The following HIPK2 variants were observed in gnomAD, a reference collection of about 807,000 sequenced individuals.
HIPK2 encodes homeodomain interacting protein kinase 2.
HIPK2 carries 27 observed loss-of-function variants against 113.7 expected under a neutral mutation model. The observed-to-expected ratio is 0.24, with a 90% CI of 0.17 to 0.33. HIPK2 has a LOEUF of 0.33. HIPK2 is among the 10% of genes least tolerant of loss of function. HIPK2 has a pLI of 1.00. For synonymous variants in HIPK2, 631 were observed against 642.2 expected (o/e 0.98, Z 0.26); for missense variants, 1,257 against 1,588.0 (o/e 0.79, Z 3.54).
At chr7:139,587,934 A>C (rs959211141) in intron 12 of HIPK2, among the ~76,000 whole-genome samples, 3 of 152,160 alleles carry the variant, frequency 2.0e-5, no homozygotes, top group African/African-American at 7.2e-5. Flanking sequence ...ACCTGTAATT[A>C]GCACTTGGGG....
intron 2 of HIPK2, among the ~76,000 whole-genome samples, chr7:139,675,032 CTG>C (rs1802447825): frequency 6.6e-6 from 1 of 152,182 alleles, no homozygotes; most frequent in Non-Finnish European, 1.5e-5. Flanking sequence ...TGTATTTATG[CTG>C]TGTCTAATTT....
At chr7:139,597,019 T>A (rs1287013181) in intron 11 of HIPK2, 21 bp from the exon 12 acceptor site, 2 of 1,575,090 alleles carry the variant, frequency 1.3e-6, no homozygotes, top group Non-Finnish European at 1.7e-6. Flanking sequence ...AAAACCACAC[T>A]CTCACACAGA....
intron 2 of HIPK2, among the ~76,000 whole-genome samples, chr7:139,707,373 C>T (rs1222957771): frequency 6.6e-6 from 1 of 152,260 alleles, no homozygotes; most frequent in Non-Finnish European, 1.5e-5. Context: ...AATCACCCTC[C>T]GTAAGACCCC....
At chr7:139,645,425 G>C (rs1440746784) in intron 2 of HIPK2, among the ~76,000 whole-genome samples, 1 of 152,234 alleles carries the variant, frequency 6.6e-6, no homozygotes, top group African/African-American at 2.4e-5. Flanking sequence ...ACACAAGTTA[G>C]AGAGTGAATT....
intron 13 of HIPK2, among the ~76,000 whole-genome samples, chr7:139,580,407 G>C (rs1585233404): frequency 6.6e-6 from 1 of 152,318 alleles, no homozygotes; most frequent in Non-Finnish European, 1.5e-5. Flanking sequence ...GAGTAAGGGA[G>C]GACGTCCTGA....
chr7:139,629,451 A>G (rs1458993969), intron 4 of HIPK2, among the ~76,000 whole-genome samples: 1 of 152,256 alleles, frequency 6.6e-6, no homozygotes, highest in East Asian at 1.9e-4. Flanking sequence ...TACGTGCCAG[A>G]CATTGTTCTA....
Position 139,562,973 on chromosome 7 carries a change from G to C in HIPK2, c.*9954C>G, listed in dbSNP as rs1182441440. On this transcript the variant is annotated 3_prime_UTR_variant, in exon 15 of 15. Coordinates refer to ENST00000406875, the MANE Select transcript of HIPK2 (RefSeq NM_022740.5). ...ATTTGGTTAAAAAAATGCACACACAGAGGATGAAGAGATGATTTGGGGGCT... is the reference window on the plus strand; with the variant it reads ...ATTTGGTTAAAAAAATGCACACACACAGGATGAAGAGATGATTTGGGGGCT... 1 of 152,212 alleles carries C rather than the reference G, an allele frequency of 6.6e-6. No individual in the cohort carries two copies. Among genetic ancestry groups the C allele is most frequent in the South Asian group, 2.1e-4 (1 of 4,836 alleles). 9.4% of individuals were successfully genotyped at this position (152,212 alleles called of 1,614,324 possible). A position where few individuals can be genotyped will look rare whatever the true frequency, so the allele number is the denominator to read the frequency against.
At chr7:139,626,396 C>A (rs1480490064) in intron 6 of HIPK2, among the ~76,000 whole-genome samples, 1 of 152,166 alleles carries the variant, frequency 6.6e-6, no homozygotes, top group Non-Finnish European at 1.5e-5. Flanking sequence ...AGACACCACG[C>A]CCAGCCCTGC....
At chr7:139,717,700 C>T (rs1795289085) in intron 1 of HIPK2, among the ~76,000 whole-genome samples, 1 of 152,076 alleles carries the variant, frequency 6.6e-6, no homozygotes, top group South Asian at 2.1e-4. Flanking sequence ...TATATCAATA[C>T]ATTTCTCTAG....
intron 1 of HIPK2, among the ~76,000 whole-genome samples, chr7:139,736,693 T>C (rs912929197): frequency 6.6e-6 from 1 of 152,194 alleles, no homozygotes; most frequent in African/African-American, 2.4e-5. Context: ...GCTGGAGCTA[T>C]GGAGTACAAC....
intron 2 of HIPK2, among the ~76,000 whole-genome samples, chr7:139,646,290 G>A (rs1335414519): frequency 6.6e-6 from 1 of 152,088 alleles, no homozygotes; most frequent in Non-Finnish European, 1.5e-5. Context: ...GAGGCCAGGA[G>A]TTCAAGAGTA....
intron 1 of HIPK2, among the ~76,000 whole-genome samples, chr7:139,755,147 G>C (rs561762317): frequency 3.0e-4 from 46 of 152,270 alleles, no homozygotes; most frequent in Non-Finnish European, 5.4e-4. Flanking sequence ...CCATCAGCCT[G>C]GTCAACGAGG....
chr7:139,658,007 G>A (rs903150382), intron 2 of HIPK2, among the ~76,000 whole-genome samples: 2 of 152,146 alleles, frequency 1.3e-5, no homozygotes, highest in African/African-American at 2.4e-5. Context: ...TCACTTAAAT[G>A]TTATGAGCCT....
chr7:139,701,937 G>C (rs977801977), intron 2 of HIPK2, among the ~76,000 whole-genome samples: 180 of 152,288 alleles, frequency 1.2e-3, no homozygotes, highest in African/African-American at 3.9e-3. Context: ...TCGGGAGAGA[G>C]TGGCAGAGGG....
intron 2 of HIPK2, among the ~76,000 whole-genome samples, chr7:139,681,671 G>C (rs1369521405): frequency 1.3e-5 from 2 of 152,146 alleles, no homozygotes; most frequent in Non-Finnish European, 2.9e-5. Context: ...GCTACCACCA[G>C]AGAGCACATT....
intron 1 of HIPK2, among the ~76,000 whole-genome samples, chr7:139,774,481 C>T (rs572247652): frequency 1.3e-4 from 20 of 152,296 alleles, no homozygotes; most frequent in African/African-American, 4.8e-4. Context: ...AACCTAAACA[C>T]AGGAACAGAT....
intron 1 of HIPK2, among the ~76,000 whole-genome samples, chr7:139,740,706 G>C (rs1796076715): frequency 6.6e-6 from 1 of 152,204 alleles, no homozygotes; most frequent in South Asian, 2.1e-4. Context: ...TCAGACTGGT[G>C]CACACATGGG....
intron 2 of HIPK2, among the ~76,000 whole-genome samples, chr7:139,632,234 T>C (rs575307385): frequency 4.6e-5 from 7 of 152,280 alleles, no homozygotes; most frequent in African/African-American, 1.4e-4. Flanking sequence ...CGCTATAGTC[T>C]TGAACTTCTG....
At chr7:139,694,776 G>A (rs1019525544) in intron 2 of HIPK2, among the ~76,000 whole-genome samples, 13 of 152,222 alleles carry the variant, frequency 8.5e-5, no homozygotes, top group African/African-American at 3.1e-4. Context: ...GGAAGGTGCA[G>A]AGTGAATGGG....
Sources: gnomAD v4.1 joint callset for allele counts (sites outside exome capture counted in the v4.1 genomes callset) on GRCh38, gnomAD v4.1.1 for gene constraint, MANE v1.5 for transcripts, NCBI Gene and HGNC (gene_info 2026-07-23, HGNC 2026-07-21) for gene names.